WWTR1: variants seen among roughly 807,000 people sequenced by gnomAD.
The protein encoded by WWTR1 is WW domain-containing transcription regulator protein 1.
WWTR1 carries 13 observed loss-of-function variants against 40.1 expected under a neutral mutation model. The observed-to-expected ratio is 0.32, with a 90% CI of 0.21 to 0.52. The LOEUF is 0.52. Among genes scored for constraint, WWTR1 ranks in the 20% least tolerant of loss-of-function variants. The pLI is 0.97. For missense variants in WWTR1, 436 were observed against 523.1 expected (o/e 0.83, Z 1.63); for synonymous variants, 230 against 210.1 (o/e 1.09, Z -0.82).
intron 1 of WWTR1, among the ~76,000 whole-genome samples, chr3:149,687,254 G>T (rs749721975): frequency 2.0e-5 from 3 of 152,206 alleles, no homozygotes; most frequent in Admixed American, 6.5e-5. Context: ...TAAGATAGCT[G>T]CATCATAGCC....
intron 3 of WWTR1, among the ~76,000 whole-genome samples, chr3:149,558,945 G>A (rs1206984257): frequency 6.6e-6 from 1 of 152,146 alleles, no homozygotes; most frequent in Non-Finnish European, 1.5e-5. Flanking sequence ...TATTAGATAA[G>A]AGTATTGTAT....
chr3:149,542,075 TC>T (rs1297916539), intron 4 of WWTR1, among the ~76,000 whole-genome samples: 1 of 152,208 alleles, frequency 6.6e-6, no homozygotes, highest in Non-Finnish European at 1.5e-5. Context: ...CTCCTTTCTC[TC>T]CTTCTAAAGA....
intron 4 of WWTR1, among the ~76,000 whole-genome samples, chr3:149,722,574 C>T (rs1715778594): frequency 6.6e-6 from 1 of 151,980 alleles, no homozygotes; most frequent in Non-Finnish European, 1.5e-5. Context: ...TTTCCAAATA[C>T]TTAGGGAGTT....
At chr3:149,527,231 T>C (rs1310144557) in intron 5 of WWTR1, among the ~76,000 whole-genome samples, 1 of 151,312 alleles carries the variant, frequency 6.6e-6, no homozygotes, top group Non-Finnish European at 1.5e-5. Context: ...CTCGGCTCAC[T>C]GCAACCTCCG....
intron 1 of WWTR1, among the ~76,000 whole-genome samples, chr3:149,691,595 C>T (rs981380758): frequency 1.3e-5 from 2 of 151,866 alleles, no homozygotes; most frequent in African/African-American, 4.8e-5. Context: ...CACAACCTAC[C>T]AAGATGGAAC....
intron 1 of WWTR1, among the ~76,000 whole-genome samples, chr3:149,685,860 T>C (rs1298398279): frequency 6.6e-6 from 1 of 152,216 alleles, no homozygotes; most frequent in Non-Finnish European, 1.5e-5. Flanking sequence ...ATGGTATTTG[T>C]TATATCATGG....
chr3:149,637,033 A>T (rs2108119015), intron 2 of WWTR1, among the ~76,000 whole-genome samples: 1 of 151,238 alleles, frequency 6.6e-6, no homozygotes, highest in South Asian at 2.1e-4. Context: ...GGTTCTTGTC[A>T]CTATGAGTTC....
chr3:149,638,365 A>G (rs1400446227), intron 2 of WWTR1, among the ~76,000 whole-genome samples: 3 of 152,182 alleles, frequency 2.0e-5, no homozygotes, highest in Non-Finnish European at 2.9e-5. Context: ...TGCTGTATGT[A>G]CATATATGCC....
chr3:149,716,381 C>CA (rs75155401), intron 5 of WWTR1, among the ~76,000 whole-genome samples: 3,723 of 149,864 alleles, frequency 0.025, 89 homozygotes, highest in South Asian at 0.094. Context: ...GACTCCATCT[C>CA]AAAAAAAAAT....
intron 2 of WWTR1, among the ~76,000 whole-genome samples, chr3:149,667,787 T>C (rs553533627): frequency 6.6e-6 from 1 of 152,328 alleles, no homozygotes; most frequent in Non-Finnish European, 1.5e-5. Flanking sequence ...ATCTCCCATT[T>C]TTTGTGAATG....
rs1021177267 is a variant in WWTR1, at chr3:149,718,252, A to G, written n.460-686T>C. On this transcript the variant is annotated intron_variant and non_coding_transcript_variant, in intron 4 of 6. Transcript: ENST00000474080. The stretch of plus-strand genomic sequence containing the variant: ...TCAAACTTGGAATTTTGTATCTCAA[A>G]GAAGCAGGATTGTTTTCTCAAGGAA... 2.0e-5 allele frequency among the ~76,000 whole-genome samples: 3 copies of G among 152,134 alleles called. No individual in the cohort carries two copies. In the South Asian group the frequency reaches 6.2e-4, roughly 32 times the overall value.
chr3:149,558,849 G>A (rs568739447), intron 3 of WWTR1, among the ~76,000 whole-genome samples: 34 of 152,288 alleles, frequency 2.2e-4, no homozygotes, highest in African/African-American at 7.9e-4. Context: ...AATGCAATGT[G>A]AGATCCTCAA....
chr3:149,676,362 G>A lies in WWTR1; in HGVS notation c.-107-6471C>T, dbSNP rs558569044. 2.6e-5 allele frequency among the ~76,000 whole-genome samples: 4 copies of A among 152,138 alleles called. No individual in the cohort carries two copies. The South Asian group carries it at 8.3e-4, about 32-fold the overall frequency. ...ATTTTAGCATCTCTGGTTTTAAAGG[G>A]GAGTCCTCATCATCTCTTCAACAAT... On this transcript the variant is annotated intron_variant, in intron 1 of 7. Coordinates refer to the WWTR1 transcript ENST00000465804.
intron 1 of WWTR1, among the ~76,000 whole-genome samples, chr3:149,672,855 C>T (rs1158879257): frequency 2.0e-5 from 3 of 150,638 alleles, no homozygotes; most frequent in Non-Finnish European, 4.4e-5. Flanking sequence ...ACCATCACAG[C>T]TCATTCCAGC....
chr3:149,679,691 C>A (rs1288753833), intron 1 of WWTR1, among the ~76,000 whole-genome samples: 1 of 151,556 alleles, frequency 6.6e-6, no homozygotes, highest in African/African-American at 2.4e-5. Context: ...TAAAACCAGG[C>A]CTTAATTCCT....
chr3:149,521,121 G>T, intron 6 of WWTR1, 132 bp from the exon 7 acceptor site: 1 of 1,075,988 alleles, frequency 9.3e-7, no homozygotes. Context: ...CTCATAAGAG[G>T]TACAGAGATG....
intron 2 of WWTR1, among the ~76,000 whole-genome samples, chr3:149,609,018 C>G (rs955951196): frequency 6.6e-6 from 1 of 152,164 alleles, no homozygotes; most frequent in Non-Finnish European, 1.5e-5. Context: ...GCAGTGAGCC[C>G]TGATCACACC....
chr3:149,590,610 C>A (rs1189050000), intron 2 of WWTR1, among the ~76,000 whole-genome samples: 1 of 152,174 alleles, frequency 6.6e-6, no homozygotes, highest in East Asian at 1.9e-4. Flanking sequence ...CATGCCATTG[C>A]ACTCCAGCCT....
intron 2 of WWTR1, among the ~76,000 whole-genome samples, chr3:149,663,307 C>T (rs982101192): frequency 2.7e-4 from 40 of 149,776 alleles, no homozygotes; most frequent in African/African-American, 9.6e-4. Flanking sequence ...TGTGAGCCAC[C>T]AGGCCCGGCA....
Sources: gnomAD v4.1 joint callset for allele counts (sites outside exome capture counted in the v4.1 genomes callset) on GRCh38, gnomAD v4.1.1 for gene constraint, MANE v1.5 for transcripts, NCBI Gene and HGNC (gene_info 2026-07-23, HGNC 2026-07-21) for gene names.